GLIS3: variants seen among roughly 807,000 people sequenced by gnomAD.
The protein encoded by GLIS3 is zinc finger protein GLIS3.
Under a neutral mutation model 78.6 loss-of-function variants are expected in GLIS3, and 53 were observed. The ratio of observed to expected loss-of-function variants is 0.67; its 90% CI spans 0.54 to 0.85. The LOEUF is 0.85. GLIS3 is among the 40% of genes least tolerant of loss of function. The pLI is 0.00. For synonymous variants in GLIS3, 684 were observed against 509.9 expected (o/e 1.34, Z -4.60); for missense variants, 1,703 against 1,231.1 (o/e 1.38, Z -5.74).
intron 4 of GLIS3, among the ~76,000 whole-genome samples, chr9:3,988,751 G>A (rs1041267022): frequency 5.3e-5 from 8 of 151,898 alleles, no homozygotes; most frequent in African/African-American, 4.8e-5. Flanking sequence ...TACGTTATAC[G>A]AAGATGAACT....
chr9:4,302,462 C>T (rs1262761094), upstream of GLIS3, among the ~76,000 whole-genome samples: 1 of 152,224 alleles, frequency 6.6e-6, no homozygotes, highest in Non-Finnish European at 1.5e-5. Context: ...GGAATTAACA[C>T]TTGTAGGCAT....
chr9:3,941,940 T>A (rs1301321271), intron 4 of GLIS3, among the ~76,000 whole-genome samples: 1 of 152,246 alleles, frequency 6.6e-6, no homozygotes, highest in Non-Finnish European at 1.5e-5. Context: ...TAAGTGGCAT[T>A]AAGATGACCT....
chr9:4,190,125 C>A (rs1818201110), intron 2 of GLIS3, among the ~76,000 whole-genome samples: 1 of 152,160 alleles, frequency 6.6e-6, no homozygotes, highest in Non-Finnish European at 1.5e-5. Context: ...AAGCAGAGCG[C>A]CTCTCCTCCT....
intron 2 of GLIS3, among the ~76,000 whole-genome samples, chr9:4,266,802 T>C (rs1826054816): frequency 6.6e-6 from 1 of 152,220 alleles, no homozygotes; most frequent in African/African-American, 2.4e-5. Context: ...GCATTCAACT[T>C]CACTACTGAA....
chr9:4,249,000 G>A (rs920963945), intron 2 of GLIS3, among the ~76,000 whole-genome samples: 10 of 152,040 alleles, frequency 6.6e-5, no homozygotes, highest in Admixed American at 3.3e-4. Context: ...ATCTATTTTG[G>A]TACAAGTACC....
At chr9:4,220,531 T>C (rs1821236902) in intron 2 of GLIS3, among the ~76,000 whole-genome samples, 1 of 152,162 alleles carries the variant, frequency 6.6e-6, no homozygotes. Context: ...GTGGTATTTC[T>C]GCCCAAAGTA....
intron 9 of GLIS3, among the ~76,000 whole-genome samples, chr9:3,842,876 TTCTTCCCATGGGCATC>T: frequency 6.6e-6 from 1 of 152,068 alleles, no homozygotes. Context: ...AGAGAGGGAG[TTCTTCCCATGGGCATC>T]TCTTCCCCTT....
At chr9:4,040,647 G>A (rs1234390064) in intron 4 of GLIS3, among the ~76,000 whole-genome samples, 1 of 152,194 alleles carries the variant, frequency 6.6e-6, no homozygotes, top group Non-Finnish European at 1.5e-5. Flanking sequence ...AACTATTAAT[G>A]TGGACGATAA....
intron 2 of GLIS3, among the ~76,000 whole-genome samples, chr9:4,331,857 G>A (rs1362210849): frequency 6.6e-6 from 1 of 152,082 alleles, no homozygotes; most frequent in Non-Finnish European, 1.5e-5. Context: ...CAAAGGCCCA[G>A]AAACAAGAGA....
At chr9:4,330,488 A>G (rs534919727) in intron 2 of GLIS3, among the ~76,000 whole-genome samples, 158 of 152,362 alleles carry the variant, frequency 1.0e-3, no homozygotes, top group Non-Finnish European at 2.1e-3. Flanking sequence ...CCAGTCAGTC[A>G]AAGATCCCAG....
At chr9:3,832,484 C>G (rs1818106073) in intron 9 of GLIS3, among the ~76,000 whole-genome samples, 1 of 152,146 alleles carries the variant, frequency 6.6e-6, no homozygotes, top group Non-Finnish European at 1.5e-5. Context: ...CTCCTCAATC[C>G]TGCACTAATT....
At chr9:4,288,424 G>T (rs2068979) in intron 1 of GLIS3, among the ~76,000 whole-genome samples, 10,267 of 152,112 alleles carry the variant, frequency 0.067, 765 homozygotes, top group African/African-American at 0.19. Context: ...CTAAGACCAT[G>T]GTCCAAGTGA....
At chr9:4,416,252 TAAAAAAAAAAAAAAAA>T in the GLIS3 span, among the ~76,000 whole-genome samples, 2 of 75,804 alleles carry the variant, frequency 2.6e-5, no homozygotes, top group Admixed American at 1.8e-4. Flanking sequence ...ACACTGTTTT[TAAAAAAAAAAAAAAAA>T]AAAAAAAAAA....
the GLIS3 span, among the ~76,000 whole-genome samples, chr9:4,444,276 T>C: frequency 6.6e-6 from 1 of 152,246 alleles, no homozygotes; most frequent in East Asian, 1.9e-4. Flanking sequence ...GCATAATAAT[T>C]ACTACGCTTC....
chr9:4,386,776 G>C, the GLIS3 span, among the ~76,000 whole-genome samples: 2 of 152,182 alleles, frequency 1.3e-5, no homozygotes, highest in African/African-American at 2.4e-5. Context: ...GGATATTCCT[G>C]TCATAGCTAA....
chr9:4,378,736 T>G, the GLIS3 span, among the ~76,000 whole-genome samples: 1 of 152,332 alleles, frequency 6.6e-6, no homozygotes, highest in East Asian at 1.9e-4. Context: ...CACATATTAT[T>G]TCTTGGTTCT....
At chr9:4,306,350 C>G (rs1165295078) in intron 4 of GLIS3, among the ~76,000 whole-genome samples, 1 of 152,136 alleles carries the variant, frequency 6.6e-6, no homozygotes, top group Admixed American at 6.5e-5. Context: ...ACCATTTGGT[C>G]AATTTAATAT....
At chr9:4,470,264 A>G in the GLIS3 span, among the ~76,000 whole-genome samples, 6 of 152,366 alleles carry the variant, frequency 3.9e-5, no homozygotes, top group Non-Finnish European at 8.8e-5. Flanking sequence ...TGAGGCCAGC[A>G]TCATCCTGAT....
chr9:4,018,076 G>A (rs189352016), intron 4 of GLIS3, among the ~76,000 whole-genome samples: 1 of 152,108 alleles, frequency 6.6e-6, no homozygotes, highest in African/African-American at 2.4e-5. Flanking sequence ...GTGCATTTTC[G>A]AATCTTGGAT....
Sources: allele counts gnomAD v4.1 joint callset (sites outside exome capture counted in the v4.1 genomes callset), GRCh38; gene constraint gnomAD v4.1.1; transcripts MANE v1.5; gene names NCBI Gene and HGNC (gene_info 2026-07-23, HGNC 2026-07-21).